The following ARHGAP26 variants were observed in gnomAD, a reference collection of about 807,000 sequenced individuals.
ARHGAP26 encodes Rho GTPase activating protein 26.
A neutral mutation model predicts 104.8 loss-of-function variants in ARHGAP26; 38 were observed. The ratio of observed to expected loss-of-function variants is 0.36; its 90% CI spans 0.28 to 0.48. The LOEUF (loss-of-function observed/expected upper bound fraction) is 0.48, where lower values mean the gene tolerates loss of function less well. Ranked by LOEUF, ARHGAP26 falls within the 20% of genes least tolerant of loss-of-function variation. The probability of loss-of-function intolerance (pLI) is 0.99; values close to 1 mark genes in which losing one functional copy is unlikely to be tolerated. For missense variants in ARHGAP26, 704 were observed against 947.9 expected (o/e 0.74, Z 3.38); for synonymous variants, 341 against 340.0 (o/e 1.00, Z -0.03).
intron 1 of ARHGAP26, among the ~76,000 whole-genome samples, chr5:142,813,694 T>G (rs1764571997): frequency 6.6e-6 from 1 of 152,252 alleles, no homozygotes; most frequent in Admixed American, 6.5e-5. Context: ...TAATCTTCTT[T>G]TCTTATAAGG....
intron 1 of ARHGAP26, among the ~76,000 whole-genome samples, chr5:142,867,547 A>C (rs1754535806): frequency 6.6e-6 from 1 of 152,288 alleles, no homozygotes; most frequent in South Asian, 2.1e-4. Flanking sequence ...GAGAAAGAAA[A>C]GAGCGATCTC....
At chr5:142,972,715 T>G (rs2152704704) in intron 11 of ARHGAP26, among the ~76,000 whole-genome samples, 1 of 152,326 alleles carries the variant, frequency 6.6e-6, no homozygotes, top group African/African-American at 2.4e-5. Context: ...CATTATTAAC[T>G]GTAGTCTTCC....
chr5:142,884,708 C>T (rs1757469684), intron 4 of ARHGAP26, among the ~76,000 whole-genome samples: 1 of 152,208 alleles, frequency 6.6e-6, no homozygotes, highest in African/African-American at 2.4e-5. Flanking sequence ...CTTTTGCTAG[C>T]ATAAATGGTG....
chr5:143,173,716 G>A (rs1042743663), intron 20 of ARHGAP26, among the ~76,000 whole-genome samples: 1 of 152,146 alleles, frequency 6.6e-6, no homozygotes, highest in East Asian at 1.9e-4. Context: ...CCATTTGGGA[G>A]CTTTTTTGTC....
intron 12 of ARHGAP26, among the ~76,000 whole-genome samples, chr5:143,022,813 C>T (rs1485691791): frequency 6.6e-6 from 1 of 152,210 alleles, no homozygotes; most frequent in Non-Finnish European, 1.5e-5. Context: ...CCTAGCCTGC[C>T]TCATTGCCAG....
intron 4 of ARHGAP26, among the ~76,000 whole-genome samples, chr5:142,880,882 T>G (rs934766874): frequency 1.3e-5 from 2 of 151,608 alleles, no homozygotes; most frequent in African/African-American, 4.9e-5. Context: ...GATTACAGTT[T>G]GAAAGAGGGA....
chr5:142,901,241 T>C (rs1760287399), intron 6 of ARHGAP26, among the ~76,000 whole-genome samples: 2 of 152,170 alleles, frequency 1.3e-5, no homozygotes, highest in South Asian at 4.1e-4. Flanking sequence ...TACCATTCAC[T>C]AAAGACAAGA....
chr5:143,044,402 A>G (rs1294291933), intron 14 of ARHGAP26, among the ~76,000 whole-genome samples: 1 of 152,002 alleles, frequency 6.6e-6, no homozygotes, highest in Non-Finnish European at 1.5e-5. Flanking sequence ...CAGTCCTTGG[A>G]GCCTGTGGTC....
chr5:142,986,908 T>A (rs1478541449), intron 11 of ARHGAP26, among the ~76,000 whole-genome samples: 1 of 152,178 alleles, frequency 6.6e-6, no homozygotes, highest in East Asian at 1.9e-4. Flanking sequence ...TTACTGTAGC[T>A]TTGTGGTATA....
chr5:142,979,104 C>T (rs1773550228), intron 11 of ARHGAP26, among the ~76,000 whole-genome samples: 2 of 152,118 alleles, frequency 1.3e-5, no homozygotes, highest in South Asian at 4.1e-4. Flanking sequence ...TGTGGGCTGC[C>T]TATCAGATGA....
At chr5:143,097,369 A>G in intron 17 of ARHGAP26, among the ~76,000 whole-genome samples, 1 of 150,816 alleles carries the variant, frequency 6.6e-6, no homozygotes, top group South Asian at 2.1e-4. Context: ...AGAAAAAAAA[A>G]AAAAAAAAAA....
At chr5:142,773,151 G>A (rs1028631889) in intron 1 of ARHGAP26, among the ~76,000 whole-genome samples, 2 of 152,238 alleles carry the variant, frequency 1.3e-5, no homozygotes, top group Middle Eastern at 6.8e-3. Flanking sequence ...GATATCATGA[G>A]ATGCTTGCTG....
chr5:143,029,172 C>CTGAA (rs1445348133), intron 12 of ARHGAP26, among the ~76,000 whole-genome samples: 3 of 152,118 alleles, frequency 2.0e-5, no homozygotes, highest in Non-Finnish European at 4.4e-5. Context: ...AATTTATGTT[C>CTGAA]ATTTCAATGT....
At chr5:143,137,719 C>G (rs186996579) in intron 19 of ARHGAP26, among the ~76,000 whole-genome samples, 1 of 152,344 alleles carries the variant, frequency 6.6e-6, no homozygotes, top group Admixed American at 6.5e-5. Flanking sequence ...ATTTGTCAGT[C>G]CTCTCTCCAG....
intron 1 of ARHGAP26, among the ~76,000 whole-genome samples, chr5:142,784,923 A>ATT (rs35315311): frequency 0.01 from 1,193 of 118,114 alleles, 74 homozygotes; most frequent in African/African-American, 0.036. Context: ...CTTCCTTAGG[A>ATT]TTTTTTTTTT....
At position 143,227,351 on chromosome 5, in the gene ARHGAP26, A is replaced by G. The variant is rs372464004; in HGVS notation, c.*4905A>G. 1 of 231,170 alleles carries G rather than the reference A, an allele frequency of 4.3e-6. No homozygotes were observed. The highest frequency in any genetic ancestry group is 8.6e-6 in the Non-Finnish European group (1 of 116,840). The allele number at this position is 231,170 out of a possible 1,614,324, so 14.3% of individuals were successfully genotyped here. A position where few individuals can be genotyped will look rare whatever the true frequency, so the allele number is the denominator to read the frequency against. ...ATCATCTCTGGCAAACTTGACAATC[A>G]TCACTTACCTCGACAACCCTGCCCC... On this transcript the variant is annotated 3_prime_UTR_variant, in exon 23 of 23. Coordinates refer to ENST00000645722, the MANE Select transcript of ARHGAP26 (RefSeq NM_001135608.3).
At chr5:143,125,902 G>A (rs996573596) in intron 18 of ARHGAP26, among the ~76,000 whole-genome samples, 2 of 152,190 alleles carry the variant, frequency 1.3e-5, no homozygotes, top group Non-Finnish European at 2.9e-5. Context: ...AGAAGCAGCT[G>A]ATTAGGAGAG....
intron 17 of ARHGAP26, chr5:143,058,278 A>T: frequency 4.2e-6 from 1 of 237,820 alleles, no homozygotes; most frequent in Non-Finnish European, 8.4e-6. Context: ...TTCTACAAGG[A>T]TCATTGATTT....
At chr5:142,934,884 C>T (rs1243156285) in intron 11 of ARHGAP26, among the ~76,000 whole-genome samples, 1 of 151,802 alleles carries the variant, frequency 6.6e-6, no homozygotes, top group Non-Finnish European at 1.5e-5. Flanking sequence ...AGTCCCAAAT[C>T]AGTTGATTTT....
Sources: gnomAD v4.1 joint callset for allele counts (sites outside exome capture counted in the v4.1 genomes callset) on GRCh38, gnomAD v4.1.1 for gene constraint, MANE v1.5 for transcripts, NCBI Gene and HGNC (gene_info 2026-07-23, HGNC 2026-07-21) for gene names.